Variants in GLRA2 observed in about 807,000 individuals in gnomAD.
GLRA2 encodes glycine receptor alpha 2, also known as glycine receptor subunit alpha-2.
GLRA2 carries 11 observed loss-of-function variants against 31.6 expected under a neutral mutation model. That is an observed-to-expected ratio of 0.35 (90% confidence interval 0.22 to 0.58). The LOEUF (loss-of-function observed/expected upper bound fraction) is 0.58, where lower values mean the gene tolerates loss of function less well. Among genes scored for constraint, GLRA2 ranks in the 20% least tolerant of loss-of-function variants. The pLI, the probability that GLRA2 is intolerant of heterozygous loss-of-function variation, is 0.84. For missense variants in GLRA2, 212 were observed against 351.8 expected (o/e 0.60, Z 3.18); for synonymous variants, 132 against 134.0 (o/e 0.99, Z 0.10).
chrX:14,623,955 T>C (rs1020839385), intron 7 of GLRA2, among the ~76,000 whole-genome samples: 2 of 111,881 alleles, frequency 1.8e-5, no homozygotes, highest in African/African-American at 6.5e-5. Flanking sequence ...TCTGGTAGAA[T>C]TCGGCTGTGA....
chrX:14,632,571 C>T (rs1010441217), intron 7 of GLRA2, among the ~76,000 whole-genome samples: 6 of 111,296 alleles, frequency 5.4e-5, no homozygotes, highest in African/African-American at 2.0e-4. Flanking sequence ...CAGTTTTGTT[C>T]TACAAAATGT....
rs777077152 is a variant in GLRA2, at chrX:14,730,232, G to A, written c.1106G>A (p.Arg369His). The A allele has an allele frequency of 2.0e-5, 24 of 1,201,005 alleles. No homozygotes were observed. The African/African-American group carries it at 3.0e-4, about 15-fold the overall frequency. Reference sequence around the variant, plus strand: ...GAAGAAGACGTTACTCGTGAAAGTCGTTTTAATTTTAGCGGTTATGGGATG... The same window carrying A: ...GAAGAAGACGTTACTCGTGAAAGTCATTTTAATTTTAGCGGTTATGGGATG... ...NKEEDVTRESRFNFSGYGMGH... is the reference protein window; with the variant it reads ...NKEEDVTRESHFNFSGYGMGH... Residue 369 changes from arginine to histidine, a missense_variant, in exon 9 of 9, where the codon CGT (arginine) becomes CAT (histidine). By Grantham distance (29) the Arg-to-His change is conservative. This residue lies in a region of GLRA2 where 2 missense variants were observed against 18.7 expected (regional missense o/e 0.11). Coordinates refer to ENST00000218075, the MANE Select transcript of GLRA2 (RefSeq NM_002063.4).
chrX:14,651,807 GATCT>G (rs1459743658), intron 7 of GLRA2, among the ~76,000 whole-genome samples: 1 of 111,625 alleles, frequency 9.0e-6, no homozygotes, highest in African/African-American at 3.3e-5. Flanking sequence ...AGTAAAATCA[GATCT>G]ATTATGAAAT....
chrX:14,509,972 T>C, the GLRA2 span, among the ~76,000 whole-genome samples: 104 of 111,560 alleles, frequency 9.3e-4, no homozygotes, highest in African/African-American at 3.2e-3. Context: ...GCAAAGTGAG[T>C]TAAAATCAGA....
chrX:14,709,271 C>T (rs1301629126), intron 8 of GLRA2, among the ~76,000 whole-genome samples: 1 of 111,376 alleles, frequency 9.0e-6, no homozygotes, highest in Non-Finnish European at 1.9e-5. Flanking sequence ...GACCCCCCAT[C>T]ATGTGCCAAA....
chrX:14,495,432 C>T, the GLRA2 span, among the ~76,000 whole-genome samples: 13 of 110,148 alleles, frequency 1.2e-4, no homozygotes, highest in African/African-American at 4.3e-4. Context: ...TAGGGTTCTA[C>T]TCTACCATCT....
At chrX:14,586,563 AAGAGTCAAATTCTAAATTCAGAG>A (rs1331161230) in intron 4 of GLRA2, among the ~76,000 whole-genome samples, 1 of 112,405 alleles carries the variant, frequency 8.9e-6, no homozygotes, top group Non-Finnish European at 1.9e-5. Flanking sequence ...GGGATGGGGA[AAGAGTCAAATTCTAAATTCAGAG>A]AGAGTCAAAT....
intron 8 of GLRA2, among the ~76,000 whole-genome samples, chrX:14,707,768 G>GTA (rs781617650): frequency 1.8e-5 from 2 of 110,536 alleles, no homozygotes; most frequent in Non-Finnish European, 3.8e-5. Context: ...GTGTGTGTGT[G>GTA]TGTGTGCACG....
the GLRA2 span, among the ~76,000 whole-genome samples, chrX:14,452,371 C>G: frequency 0.051 from 5,679 of 112,287 alleles, 342 homozygotes; most frequent in African/African-American, 0.17. Flanking sequence ...TTCTTTGATT[C>G]TCTTTATGCT....
rs753085201 is a variant in GLRA2 at position 14,687,064 on chromosome X, G to C, written c.931-3646G>C. Reference sequence around the variant, plus strand: ...ATTTTATTTCTCCTTTACTTATGAAGCTTAGTTTGGCTGGATATGAAATTC... The same window carrying C: ...ATTTTATTTCTCCTTTACTTATGAACCTTAGTTTGGCTGGATATGAAATTC... On this transcript the variant is annotated intron_variant, in intron 7 of 8. Transcript: ENST00000218075. Among the ~76,000 whole-genome samples the C allele has an allele frequency of 1.4e-4, 16 of 111,716 alleles. No individual in the cohort carries two copies. In the South Asian group the frequency reaches 5.6e-3, roughly 39 times the overall value.
At chrX:14,450,009 CAGGTGACAGTGCTCCCTAG>C in the GLRA2 span, among the ~76,000 whole-genome samples, 1 of 111,843 alleles carries the variant, frequency 8.9e-6, no homozygotes, top group African/African-American at 3.2e-5. Flanking sequence ...CCAGGTGTTC[CAGGTGACAGTGCTCCCTAG>C]AGGGAGCAGA....
At chrX:14,463,724 G>A in the GLRA2 span, among the ~76,000 whole-genome samples, 1 of 110,187 alleles carries the variant, frequency 9.1e-6, no homozygotes, top group South Asian at 4.1e-4. Flanking sequence ...AAGACCATGC[G>A]AAAAGTGCAG....
chrX:14,677,136 G>T (rs2147163699), intron 7 of GLRA2, among the ~76,000 whole-genome samples: 1 of 111,401 alleles, frequency 9.0e-6, no homozygotes, highest in African/African-American at 3.3e-5. Flanking sequence ...AATAAATCCA[G>T]AGTAATTTGG....
the GLRA2 span, among the ~76,000 whole-genome samples, chrX:14,455,069 A>G: frequency 1.8e-5 from 2 of 111,707 alleles, no homozygotes; most frequent in Non-Finnish European, 3.8e-5. Flanking sequence ...GTGATTTGCC[A>G]TCCCTGTTGC....
intron 8 of GLRA2, among the ~76,000 whole-genome samples, chrX:14,727,825 T>C (rs190341281): frequency 3.6e-5 from 4 of 111,977 alleles, no homozygotes; most frequent in African/African-American, 1.3e-4. Flanking sequence ...CCTTATATGA[T>C]AATACCTTTA....
At chrX:14,492,054 C>T in the GLRA2 span, among the ~76,000 whole-genome samples, 2 of 110,925 alleles carry the variant, frequency 1.8e-5, no homozygotes, top group Admixed American at 1.9e-4. Context: ...CCAAACAGAT[C>T]CTGTTACTTT....
the GLRA2 span, among the ~76,000 whole-genome samples, chrX:14,458,573 G>T: frequency 3.6e-5 from 4 of 112,126 alleles, no homozygotes; most frequent in Non-Finnish European, 5.6e-5. Context: ...TCTAACTGGT[G>T]CGAGATGGTA....
At chrX:14,687,591 C>T (rs150958022) in intron 7 of GLRA2, among the ~76,000 whole-genome samples, 2,851 of 111,972 alleles carry the variant, frequency 0.025, 62 homozygotes, top group African/African-American at 0.074. Flanking sequence ...TCCAGTTGAT[C>T]GAATCGGCTA....
chrX:14,473,417 A>T, the GLRA2 span, among the ~76,000 whole-genome samples: 1 of 111,987 alleles, frequency 8.9e-6, no homozygotes, highest in Middle Eastern at 4.6e-3. Flanking sequence ...AATCTGATGA[A>T]AACAATCAAA....
Sources: gnomAD v4.1 joint callset for allele counts (sites outside exome capture counted in the v4.1 genomes callset) on GRCh38, gnomAD v4.1.1 for gene constraint, gnomAD v4.1.1 regional missense constraint, MANE v1.5 for transcripts, NCBI Gene and HGNC (gene_info 2026-07-23, HGNC 2026-07-21) for gene names.